Variants in STPG2 observed in about 807,000 individuals in gnomAD.
The protein encoded by STPG2 is sperm-tail PG-rich repeat-containing protein 2.
In STPG2, 56 loss-of-function variants were observed where a neutral mutation model predicts 54.2. The ratio of observed to expected loss-of-function variants is 1.03; its 90% CI spans 0.83 to 1.29. STPG2 has a LOEUF of 1.29. STPG2 is among the 50% of genes most tolerant of loss of function. The pLI, the probability that STPG2 is intolerant of heterozygous loss-of-function variation, is 0.00. For synonymous variants in STPG2, 200 were observed against 181.8 expected, an observed-to-expected ratio of 1.10 and a Z score of -0.81; for missense variants, 596 against 544.9, an observed-to-expected ratio of 1.09 and a Z score of -0.93.
At chr4:98,044,151 A>G (rs1737045881) in intron 5 of STPG2, among the ~76,000 whole-genome samples, 1 of 152,164 alleles carries the variant, frequency 6.6e-6, no homozygotes, top group South Asian at 2.1e-4. Context: ...ATATATTAGC[A>G]TAATTTAGTT....
intron 7 of STPG2, among the ~76,000 whole-genome samples, chr4:97,961,579 C>T (rs1004884454): frequency 3.9e-5 from 6 of 152,016 alleles, no homozygotes; most frequent in Non-Finnish European, 8.8e-5. Context: ...TGAAGATATA[C>T]AAATAGCCAA....
chr4:97,774,509 C>T (rs1463504206), intron 9 of STPG2, among the ~76,000 whole-genome samples: 1 of 152,076 alleles, frequency 6.6e-6, no homozygotes, highest in Non-Finnish European at 1.5e-5. Flanking sequence ...CCAAGCATAT[C>T]ATGGTTATAT....
At chr4:97,842,971 ATCTGAAAC>A (rs1346368225) in intron 8 of STPG2, among the ~76,000 whole-genome samples, 3 of 151,914 alleles carry the variant, frequency 2.0e-5, no homozygotes, top group Non-Finnish European at 4.4e-5. Context: ...AATAGGACAA[ATCTGAAAC>A]TCTGTCTAAT....
chr4:97,983,583 C>T (rs981218370), intron 5 of STPG2, among the ~76,000 whole-genome samples: 1 of 152,138 alleles, frequency 6.6e-6, no homozygotes, highest in Non-Finnish European at 1.5e-5. Context: ...CTGTGATATG[C>T]TCTCATCATT....
chr4:97,699,558 C>T (rs1009156673), intron 10 of STPG2, among the ~76,000 whole-genome samples: 3 of 152,200 alleles, frequency 2.0e-5, no homozygotes, highest in African/African-American at 4.8e-5. Flanking sequence ...AGTATATAAT[C>T]GTACATCTGG....
chr4:97,800,451 AG>A (rs1361274498), intron 9 of STPG2, among the ~76,000 whole-genome samples: 2 of 152,244 alleles, frequency 1.3e-5, no homozygotes, highest in Non-Finnish European at 2.9e-5. Flanking sequence ...GATCCACTCC[AG>A]ACCCTTTTTA....
intron 4 of STPG2, among the ~76,000 whole-genome samples, chr4:97,537,756 T>A (rs1471204736): frequency 6.6e-6 from 1 of 152,130 alleles, no homozygotes; most frequent in South Asian, 2.1e-4. Flanking sequence ...CTCAAGTGGG[T>A]CCCTGACCCC....
At position 97,622,315 on chromosome 4, in the gene STPG2, T is replaced by C. The variant is rs774278365; in HGVS notation, c.1321-63198A>G. 2.0e-5 allele frequency among the ~76,000 whole-genome samples: 3 copies of C among 152,036 alleles called. No individual in the cohort carries two copies. In the South Asian group the frequency reaches 6.2e-4, roughly 32 times the overall value. On this transcript the variant is annotated intron_variant, in intron 10 of 10. Transcript: ENST00000295268. ...GAGAAAGAAATAAAAGGCATCCAAA[T>C]AGGAAGAGAGGAAGTCAAACCACCC...
At chr4:97,991,853 T>C (rs983453719) in intron 5 of STPG2, among the ~76,000 whole-genome samples, 1 of 152,142 alleles carries the variant, frequency 6.6e-6, no homozygotes, top group African/African-American at 2.4e-5. Context: ...TCCCTAACAA[T>C]TATTGATGTT....
In STPG2 at chr4:97,911,050, T is replaced by G. The variant is rs186068670; in HGVS notation, c.1044+32847A>C. The stretch of plus-strand genomic sequence containing the variant: ...AGCTCACCTGGAAGCACAAGCCGCA[T>G]GGGCAAGGGGAGCTCCCAGCTCCAG... On this transcript the variant is annotated intron_variant, in intron 8 of 10. Coordinates refer to ENST00000295268, the MANE Select transcript of STPG2 (RefSeq NM_174952.3). Among the ~76,000 whole-genome samples the G allele has an allele frequency of 3.3e-5, 5 of 152,296 alleles. No homozygotes were observed. In the East Asian group the frequency reaches 9.7e-4, roughly 29 times the overall value.
chr4:97,881,069 A>T (rs988398484), intron 8 of STPG2, among the ~76,000 whole-genome samples: 2 of 152,056 alleles, frequency 1.3e-5, no homozygotes, highest in African/African-American at 4.8e-5. Context: ...CAGGAAATAA[A>T]GGAAGTGGGC....
chr4:97,573,571 A>T (rs1011275346), intron 10 of STPG2, among the ~76,000 whole-genome samples: 2 of 152,110 alleles, frequency 1.3e-5, no homozygotes, highest in Admixed American at 6.6e-5. Flanking sequence ...ATGGAAATAT[A>T]AACAAATTTT....
At chr4:97,679,339 C>G (rs1407253567) in intron 10 of STPG2, among the ~76,000 whole-genome samples, 1 of 152,042 alleles carries the variant, frequency 6.6e-6, no homozygotes, top group African/African-American at 2.4e-5. Context: ...GAGATGGTAT[C>G]TCATTGTGGT....
At chr4:98,035,914 G>A (rs966707458) in intron 5 of STPG2, among the ~76,000 whole-genome samples, 2 of 152,034 alleles carry the variant, frequency 1.3e-5, no homozygotes, top group East Asian at 1.9e-4. Context: ...CATGGACACA[G>A]GGAGGGGAAC....
intron 8 of STPG2, among the ~76,000 whole-genome samples, chr4:97,855,796 T>G (rs963668465): frequency 6.6e-6 from 1 of 152,216 alleles, no homozygotes; most frequent in Non-Finnish European, 1.5e-5. Flanking sequence ...TTTATAGTTT[T>G]GGGTTTTACA....
At chr4:97,462,263 C>G (rs1413172831) in intron 4 of STPG2, among the ~76,000 whole-genome samples, 1 of 151,942 alleles carries the variant, frequency 6.6e-6, no homozygotes, top group Non-Finnish European at 1.5e-5. Flanking sequence ...TCCCATTGGT[C>G]TCTTTATTTT....
chr4:97,628,953 G>T (rs1578436013), intron 10 of STPG2, among the ~76,000 whole-genome samples: 1 of 152,038 alleles, frequency 6.6e-6, no homozygotes, highest in South Asian at 2.1e-4. Context: ...TCTTATTTAA[G>T]CTTTCCAAAG....
intron 4 of STPG2, among the ~76,000 whole-genome samples, chr4:97,549,935 C>G (rs1731927534): frequency 6.6e-6 from 1 of 152,030 alleles, no homozygotes; most frequent in Non-Finnish European, 1.5e-5. Context: ...CCCTAGGAAA[C>G]TAATACAGTA....
intron 10 of STPG2, among the ~76,000 whole-genome samples, chr4:97,594,544 G>T (rs1180177582): frequency 6.6e-6 from 1 of 152,166 alleles, no homozygotes; most frequent in Non-Finnish European, 1.5e-5. Flanking sequence ...GGAAGAGAGG[G>T]AGAGAAATCA....
Sources: gnomAD v4.1 joint callset for allele counts (sites outside exome capture counted in the v4.1 genomes callset) on GRCh38, gnomAD v4.1.1 for gene constraint, MANE v1.5 for transcripts, NCBI Gene and HGNC (gene_info 2026-07-23, HGNC 2026-07-21) for gene names.